ZFAND3: variants seen among roughly 807,000 people sequenced by gnomAD.
The protein encoded by ZFAND3 is zinc finger AN1-type containing 3.
In ZFAND3, 10 loss-of-function variants were observed where a neutral mutation model predicts 29.6. That is an observed-to-expected ratio of 0.34 (90% CI 0.21 to 0.57). The LOEUF (loss-of-function observed/expected upper bound fraction) is 0.57. Ranked by LOEUF, ZFAND3 falls within the 20% of genes least tolerant of loss-of-function variation. ZFAND3 has a pLI of 0.86. For synonymous variants in ZFAND3, 128 were observed against 112.6 expected (o/e 1.14, Z -0.87); for missense variants, 230 against 304.5 (o/e 0.76, Z 1.82).
intron 2 of ZFAND3, among the ~76,000 whole-genome samples, chr6:37,931,834 G>A (rs551842914): frequency 3.0e-4 from 45 of 152,276 alleles, no homozygotes; most frequent in African/African-American, 1.1e-3. Context: ...GCCTAAACTA[G>A]GGGTTAGATG....
chr6:38,133,447 CTT>C (rs746885734), intron 5 of ZFAND3, among the ~76,000 whole-genome samples: 97 of 152,230 alleles, frequency 6.4e-4, no homozygotes, highest in Non-Finnish European at 1.2e-3. Context: ...TCATTTGACT[CTT>C]AAGAGCATTG....
chr6:37,991,573 G>T (rs567027204), intron 2 of ZFAND3, among the ~76,000 whole-genome samples: 307 of 152,184 alleles, frequency 2.0e-3, no homozygotes, highest in African/African-American at 7.0e-3. Context: ...GGCTGGTTAC[G>T]AACTGCTGAC....
chr6:37,969,418 A>G (rs973733726), intron 2 of ZFAND3, among the ~76,000 whole-genome samples: 5 of 152,208 alleles, frequency 3.3e-5, no homozygotes, highest in Non-Finnish European at 5.9e-5. Context: ...TTAGGCTACA[A>G]CCTACCTTAT....
At chr6:38,083,048 T>C (rs1764693130) in intron 4 of ZFAND3, among the ~76,000 whole-genome samples, 2 of 152,210 alleles carry the variant, frequency 1.3e-5, no homozygotes, top group African/African-American at 4.8e-5. Context: ...TAATTTATTT[T>C]AAGCGATATT....
chr6:38,138,880 A>G (rs1765895307), intron 5 of ZFAND3, among the ~76,000 whole-genome samples: 1 of 152,188 alleles, frequency 6.6e-6, no homozygotes, highest in Admixed American at 6.5e-5. Context: ...CGTGTTTGTC[A>G]AGTAGGCCAT....
At chr6:38,048,621 C>CAAAAAAAAAAAAAAAAAAAAAAAAAA (rs70981521) in intron 2 of ZFAND3, among the ~76,000 whole-genome samples, 1,257 of 56,064 alleles carry the variant, frequency 0.022, 203 homozygotes, top group Non-Finnish European at 0.025. Flanking sequence ...GACTCCGTCT[C>CAAAAAAAAAAAAAAAAAAAAAAAAAA]AAAAAAAAAA....
rs187516097 is a variant in ZFAND3 at position 38,000,219 on chromosome 6, T to C, written c.113-61374T>C. Among the ~76,000 whole-genome samples, 467 of 152,276 alleles carry C rather than the reference T, an allele frequency of 3.1e-3. 3 individuals carry two copies. Among genetic ancestry groups the C allele is most frequent in the African/African-American group, 0.011 (443 of 41,552 alleles). On this transcript the variant is annotated intron_variant, in intron 2 of 5. Transcript: ENST00000287218. ...AGATGATGTTGATCTCAGATTGATA[T>C]TGATCATTTGCGAGACCCATAGCAC...
intron 1 of ZFAND3, among the ~76,000 whole-genome samples, chr6:37,886,602 C>T (rs1424417757): frequency 6.6e-6 from 1 of 152,170 alleles, no homozygotes; most frequent in Non-Finnish European, 1.5e-5. Context: ...CACTGTTGCT[C>T]AGTAAAGCTA....
intron 1 of ZFAND3, among the ~76,000 whole-genome samples, chr6:37,831,412 A>G (rs1763858784): frequency 6.6e-6 from 1 of 152,238 alleles, no homozygotes; most frequent in South Asian, 2.1e-4. Context: ...TCCTTTTTCC[A>G]GCAAGTGTTA....
At chr6:38,065,354 A>G (rs1764322468) in intron 3 of ZFAND3, among the ~76,000 whole-genome samples, 1 of 152,030 alleles carries the variant, frequency 6.6e-6, no homozygotes, top group Non-Finnish European at 1.5e-5. Flanking sequence ...AGTGAGGATA[A>G]ACCTGTGAGT....
At chr6:37,951,552 G>A (rs576758292) in intron 2 of ZFAND3, among the ~76,000 whole-genome samples, 1 of 152,208 alleles carries the variant, frequency 6.6e-6, no homozygotes, top group South Asian at 2.1e-4. Flanking sequence ...CCGAGATTGT[G>A]CCACTGCACT....
chr6:38,137,616 C>T (rs1208065446), intron 5 of ZFAND3, among the ~76,000 whole-genome samples: 1 of 151,850 alleles, frequency 6.6e-6, no homozygotes, highest in Non-Finnish European at 1.5e-5. Flanking sequence ...AACAGATAAA[C>T]AAGGTAATTT....
At chr6:37,840,443 TC>T in intron 1 of ZFAND3, among the ~76,000 whole-genome samples, 1 of 152,384 alleles carries the variant, frequency 6.6e-6, no homozygotes, top group Admixed American at 6.5e-5. Flanking sequence ...TGTCACACTG[TC>T]TTGAGTACTT....
intron 5 of ZFAND3, among the ~76,000 whole-genome samples, chr6:38,137,172 C>T (rs1485624438): frequency 6.6e-6 from 1 of 152,228 alleles, no homozygotes; most frequent in Non-Finnish European, 1.5e-5. Context: ...TGGGTTACCT[C>T]TAAGAGTGAG....
intron 2 of ZFAND3, among the ~76,000 whole-genome samples, chr6:37,949,028 GA>G (rs1350863742): frequency 6.6e-6 from 1 of 152,132 alleles, no homozygotes; most frequent in Non-Finnish European, 1.5e-5. Flanking sequence ...AGTTCTTTGA[GA>G]AATCTCCAAA....
At chr6:37,969,897 A>G (rs898740604) in intron 2 of ZFAND3, among the ~76,000 whole-genome samples, 4 of 151,566 alleles carry the variant, frequency 2.6e-5, no homozygotes, top group South Asian at 2.1e-4. Flanking sequence ...TTAGGAAACA[A>G]TCAAATCCCC....
chr6:37,939,258 A>G (rs1581777973), intron 2 of ZFAND3, among the ~76,000 whole-genome samples: 1 of 152,174 alleles, frequency 6.6e-6, no homozygotes, highest in African/African-American at 2.4e-5. Context: ...CCTTTGAGGG[A>G]GAATTCATTC....
intron 2 of ZFAND3, among the ~76,000 whole-genome samples, chr6:37,993,317 ATTATTTAT>A (rs376405008): frequency 5.9e-5 from 9 of 151,262 alleles, no homozygotes; most frequent in South Asian, 2.1e-4. Context: ...ATTTTATTTT[ATTATTTAT>A]TTATTTATTT....
chr6:37,926,170 A>G (rs1478213204), intron 1 of ZFAND3, among the ~76,000 whole-genome samples: 2 of 152,236 alleles, frequency 1.3e-5, no homozygotes, highest in Admixed American at 1.3e-4. Flanking sequence ...GGATGGATCT[A>G]GCTGAATGCT....
Sources: gnomAD v4.1 joint callset for allele counts (sites outside exome capture counted in the v4.1 genomes callset) on GRCh38, gnomAD v4.1.1 for gene constraint, MANE v1.5 for transcripts, NCBI Gene and HGNC (gene_info 2026-07-23, HGNC 2026-07-21) for gene names.